NAV3: variants seen among roughly 807,000 people sequenced by gnomAD.
NAV3 encodes the protein pore membrane and/or filament interacting like protein 1.
A neutral mutation model predicts 244.7 loss-of-function variants in NAV3; 87 were observed. The ratio of observed to expected loss-of-function variants is 0.36; its 90% CI spans 0.30 to 0.42. The LOEUF (loss-of-function observed/expected upper bound fraction) is 0.42, where lower values mean the gene tolerates loss of function less well. Ranked by LOEUF, NAV3 falls within the 20% of genes least tolerant of loss-of-function variation. NAV3 has a pLI of 1.00. For synonymous variants in NAV3, 1,126 were observed against 1,042.2 expected (o/e 1.08, Z -1.55); for missense variants, 2,663 against 2,893.3 (o/e 0.92, Z 1.83).
At chr12:77,597,324 G>A (rs1439464345) in intron 2 of NAV3, among the ~76,000 whole-genome samples, 1 of 152,046 alleles carries the variant, frequency 6.6e-6, no homozygotes, top group Non-Finnish European at 1.5e-5. Context: ...CTCATATGAT[G>A]TGAAATGACT....
chr12:78,113,965 C>G (rs1320732983), intron 12 of NAV3, among the ~76,000 whole-genome samples: 3 of 152,152 alleles, frequency 2.0e-5, no homozygotes, highest in Admixed American at 6.6e-5. Flanking sequence ...ATATCTTGAA[C>G]ACTTTGCTTC....
rs1408686478 is a variant in NAV3, at chr12:77,752,822, CA to C, written c.72+180562del. ...TCCTCATCTCTCAAAATTGAATGCA[CA>C]AAAAATACAACTACGTGACAATAAA... On this transcript the variant is annotated intron_variant, in intron 2 of 8. Transcript: ENST00000550042. Among the ~76,000 whole-genome samples, 12 of 152,122 alleles carry C rather than the reference CA, an allele frequency of 7.9e-5. 1 individual carries two copies. The South Asian group carries it at 1.0e-3, about 13-fold the overall frequency.
intron 2 of NAV3, among the ~76,000 whole-genome samples, chr12:77,823,938 A>C (rs7296425): frequency 2.3e-4 from 35 of 152,148 alleles, no homozygotes; most frequent in African/African-American, 8.4e-4. Context: ...CCCAAATGGA[A>C]CTCCTAGAGA....
intron 39 of NAV3, among the ~76,000 whole-genome samples, chr12:78,208,670 A>T (rs7308667): frequency 0.46 from 69,863 of 151,972 alleles, 16,903 homozygotes; most frequent in East Asian, 0.82. Flanking sequence ...ACACCATTTT[A>T]AAAAATTAAG....
At chr12:77,841,957 TA>T (rs781753308) in intron 1 of NAV3, among the ~76,000 whole-genome samples, 1 of 152,146 alleles carries the variant, frequency 6.6e-6, no homozygotes, top group African/African-American at 2.4e-5. Context: ...GACTAGGAAA[TA>T]TCATGTATCT....
chr12:77,755,652 T>TCCTTCCTC lies in NAV3; in HGVS notation c.72+183392_72+183393insTCCCTTCC, dbSNP rs1268788080. ...TTCCTTCCTTCCTTCCTTCCTTCCTTCCTTCCACTCTCTCTCTTTCTTTCT... is the reference window on the plus strand; with the variant it reads ...TTCCTTCCTTCCTTCCTTCCTTCCTTCCTTCCTCCCTTCCACTCTCTCTCTTTCTTTCT... On this transcript the variant is annotated intron_variant, in intron 2 of 8. Transcript: ENST00000550042. 6.6e-3 allele frequency among the ~76,000 whole-genome samples: 393 copies of TCCTTCCTC among 59,510 alleles called. 73 individuals carry two copies. Among genetic ancestry groups the TCCTTCCTC allele is most frequent in the African/African-American group, 0.023 (257 of 11,416 alleles). The allele number at this position is 59,510 out of a possible 152,430, so 39.0% of individuals were successfully genotyped here.
chr12:78,056,231 CT>C (rs1342104881), intron 11 of NAV3: 1 of 152,158 alleles, frequency 6.6e-6, no homozygotes, highest in Non-Finnish European at 1.5e-5. Flanking sequence ...TGAGGCTGGT[CT>C]TAGCTCAAGG....
intron 2 of NAV3, among the ~76,000 whole-genome samples, chr12:77,728,900 C>A (rs1476514709): frequency 6.6e-6 from 1 of 151,734 alleles, no homozygotes. Flanking sequence ...AAGACCAATC[C>A]CTACTCATCC....
chr12:78,129,464 A>G (rs1289989077), intron 18 of NAV3, among the ~76,000 whole-genome samples: 1 of 152,198 alleles, frequency 6.6e-6, no homozygotes, highest in African/African-American at 2.4e-5. Context: ...AATAGATACA[A>G]TGAAAAATAA....
rs2136138025 is a variant in NAV3 at position 77,837,992 on chromosome 12, A to G, written c.243+6288A>G. Among the ~76,000 whole-genome samples the G allele has an allele frequency of 2.0e-5, 3 of 152,264 alleles. 1 individual carries two copies. The highest frequency in any genetic ancestry group is 6.8e-3 in the Middle Eastern group (2 of 294). On this transcript the variant is annotated intron_variant, in intron 1 of 39. Coordinates refer to ENST00000397909, the MANE Select transcript of NAV3 (RefSeq NM_001024383.2). ...GTTGCCTGATTGCTGAGGACTGTCA[A>G]TGCTCCTGTTGGCTTGCTCACATGG...
chr12:77,733,171 G>T (rs561109194), intron 2 of NAV3, among the ~76,000 whole-genome samples: 2 of 152,124 alleles, frequency 1.3e-5, no homozygotes, highest in East Asian at 3.9e-4. Flanking sequence ...ATTGGTTGAG[G>T]CAAAGTGTGC....
At chr12:77,621,594 C>A (rs1315773712) in intron 2 of NAV3, among the ~76,000 whole-genome samples, 1 of 151,034 alleles carries the variant, frequency 6.6e-6, no homozygotes, top group African/African-American at 2.4e-5. Context: ...ATTCTCCTGC[C>A]TCAGCCTCCC....
At position 78,127,205 on chromosome 12, in the gene NAV3, T is replaced by C; in HGVS notation, c.4277T>C (p.Leu1426Pro). 9 of 1,613,492 alleles carry C rather than the reference T, an allele frequency of 5.6e-6. No homozygotes were observed. The highest frequency in any genetic ancestry group is 7.6e-6 in the Non-Finnish European group (9 of 1,179,570). ...AGAAATACACTACCCAAAAAGGGAC[T>C]AAGGTATATATTCCTCTCAGCACAA... ...LDRNTLPKKG[L>P]RYTPSSRQAN... is the part of the protein sequence containing the mutation. The change falls in exon 17 of 40, where the codon CTA becomes CCA. Residue 1426 changes from leucine to proline, a missense_variant. Leu to Pro is a moderately conservative substitution (Grantham distance 98, BLOSUM62 -3). Around this residue, in one of 6 missense-constraint regions of NAV3, gnomAD observed 354 missense variants for 413.0 expected, o/e 0.86. Coordinates refer to ENST00000397909, the MANE Select transcript of NAV3 (RefSeq NM_001024383.2).
intron 1 of NAV3, among the ~76,000 whole-genome samples, chr12:77,866,387 A>G (rs756684956): frequency 3.0e-4 from 45 of 152,184 alleles, no homozygotes; most frequent in Non-Finnish European, 5.1e-4. Context: ...AAATGTGTTA[A>G]CTTGAGTGCC....
intron 2 of NAV3, among the ~76,000 whole-genome samples, chr12:77,781,491 C>T (rs908364351): frequency 6.6e-6 from 1 of 152,132 alleles, no homozygotes; most frequent in African/African-American, 2.4e-5. Context: ...TTTAAATCTA[C>T]CTATGACCTG....
chr12:77,633,439 T>C (rs1872006457), intron 2 of NAV3, among the ~76,000 whole-genome samples: 1 of 152,096 alleles, frequency 6.6e-6, no homozygotes, highest in Non-Finnish European at 1.5e-5. Flanking sequence ...ATACATTAAA[T>C]GAATAGCTAA....
chr12:77,918,895 T>C (rs1887431066), intron 1 of NAV3, among the ~76,000 whole-genome samples: 1 of 152,132 alleles, frequency 6.6e-6, no homozygotes, highest in Middle Eastern at 3.4e-3. Flanking sequence ...AATTCAAGAT[T>C]GGAGAAATAG....
intron 8 of NAV3, among the ~76,000 whole-genome samples, chr12:78,010,017 C>T (rs1042320869): frequency 6.6e-6 from 1 of 152,036 alleles, no homozygotes; most frequent in Non-Finnish European, 1.5e-5. Context: ...GACTTTGAGA[C>T]CAGCCTGTAC....
At chr12:77,598,448 C>T (rs558627212) in intron 2 of NAV3, among the ~76,000 whole-genome samples, 2 of 151,996 alleles carry the variant, frequency 1.3e-5, no homozygotes, top group Admixed American at 6.6e-5. Flanking sequence ...GATACATTAG[C>T]GGAAGTGGAA....
Sources: allele counts gnomAD v4.1 joint callset (sites outside exome capture counted in the v4.1 genomes callset), GRCh38; gene constraint gnomAD v4.1.1; regional missense constraint gnomAD v4.1.1; transcripts MANE v1.5; gene names NCBI Gene and HGNC (gene_info 2026-07-23, HGNC 2026-07-21).